The following FLRT2 variants were observed in gnomAD, a reference collection of about 807,000 sequenced individuals.
FLRT2 encodes fibronectin leucine rich transmembrane protein 2.
Under a neutral mutation model 40.0 loss-of-function variants are expected in FLRT2, and 15 were observed. The ratio of observed to expected loss-of-function variants is 0.38; its 90% CI spans 0.25 to 0.58. The LOEUF is 0.58. Ranked by LOEUF, FLRT2 falls within the 20% of genes least tolerant of loss-of-function variation. The probability of loss-of-function intolerance (pLI) is 0.71; values close to 1 mark genes in which losing one functional copy is unlikely to be tolerated. For synonymous variants in FLRT2, 380 were observed against 336.8 expected, an observed-to-expected ratio of 1.13 and a Z score of -1.41; for missense variants, 726 against 840.0, an observed-to-expected ratio of 0.86 and a Z score of 1.68.
At position 85,615,961 on chromosome 14, in the gene FLRT2, C is replaced by A. The variant is rs1044298348; in HGVS notation, c.-376-5178C>A. Among the ~76,000 whole-genome samples the A allele has an allele frequency of 4.6e-5, 7 of 152,124 alleles. No homozygotes were observed. In the East Asian group the frequency reaches 1.2e-3, roughly 25 times the overall value. On this transcript the variant is annotated intron_variant, in intron 1 of 1. Coordinates refer to ENST00000330753, the MANE Select transcript of FLRT2 (RefSeq NM_013231.6). ...TGGAATTAATTAGAAAAAGAAAAAACCTTCTTAGGCAGCACTAGGAGAGAA... is the reference window on the plus strand; with the variant it reads ...TGGAATTAATTAGAAAAAGAAAAAAACTTCTTAGGCAGCACTAGGAGAGAA...
chr14:85,643,758 G>A lies in FLRT2; in HGVS notation c.*20261G>A, dbSNP rs928677277. 1.3e-5 allele frequency: 2 copies of A among 152,148 alleles called. No homozygotes were observed. Among genetic ancestry groups the A allele is most frequent in the Non-Finnish European group, 2.9e-5 (2 of 68,066 alleles). The allele number at this position is 152,148 out of a possible 1,614,324, so 9.4% of individuals were successfully genotyped here. ...GGACTCTCCTCTTTTAGATAGAGAT[G>A]AAAGTGTAGATGCTGCCCACAAAAT... On this transcript the variant is annotated 3_prime_UTR_variant, in exon 2 of 2. Coordinates refer to ENST00000330753, the MANE Select transcript of FLRT2 (RefSeq NM_013231.6).
chr14:85,650,492 T>C lies in FLRT2; in HGVS notation c.*26995T>C, dbSNP rs1156399510. On this transcript the variant is annotated 3_prime_UTR_variant, in exon 2 of 2. Coordinates refer to ENST00000330753, the MANE Select transcript of FLRT2 (RefSeq NM_013231.6). ...CTAAACACACACAGTGTATCTAGAA[T>C]TTGAATTGCTAAAATTGAACATTCA... The C allele has an allele frequency of 6.6e-6, 1 of 152,154 alleles. No homozygotes were observed. Among genetic ancestry groups the C allele is most frequent in the African/African-American group, 2.4e-5 (1 of 41,562 alleles). The allele number at this position is 152,154 out of a possible 1,614,324, so 9.4% of individuals were successfully genotyped here. A position where few individuals can be genotyped will look rare whatever the true frequency, so the allele number is the denominator to read the frequency against.
At chr14:85,619,493 T>C (rs182202202) in intron 1 of FLRT2, among the ~76,000 whole-genome samples, 15 of 152,302 alleles carry the variant, frequency 9.8e-5, no homozygotes, top group Non-Finnish European at 4.4e-5. Flanking sequence ...AAAATGAGTT[T>C]TACCTTTTCT....
chr14:85,596,714 CAG>C (rs1318844795), intron 1 of FLRT2, among the ~76,000 whole-genome samples: 1 of 152,068 alleles, frequency 6.6e-6, no homozygotes, highest in Non-Finnish European at 1.5e-5. Flanking sequence ...TGGGAGAATT[CAG>C]AGTTTCACAG....
Position 85,637,613 on chromosome 14 carries a change from C to T in FLRT2, c.*14116C>T, listed in dbSNP as rs1894041258. On this transcript the variant is annotated 3_prime_UTR_variant, in exon 2 of 2. Coordinates refer to ENST00000330753, the MANE Select transcript of FLRT2 (RefSeq NM_013231.6). ...GCAATGACAGCAAATTTCCCCCAGT[C>T]TGCTCTTCCATGAATATCTCAGACA... 1 of 152,258 alleles carries T rather than the reference C, an allele frequency of 6.6e-6. No homozygotes were observed. The allele number at this position is 152,258 out of a possible 1,614,324, so 9.4% of individuals were successfully genotyped here. A position where few individuals can be genotyped will look rare whatever the true frequency, so the allele number is the denominator to read the frequency against.
intron 1 of FLRT2, among the ~76,000 whole-genome samples, chr14:85,541,939 A>G (rs952620540): frequency 1.3e-5 from 2 of 152,202 alleles, no homozygotes; most frequent in Non-Finnish European, 2.9e-5. Context: ...TTGCCAAAGT[A>G]CAAAGATTTT....
Position 85,621,129 on chromosome 14 carries a change from C to T in FLRT2, c.-376-10C>T. 4.6e-6 allele frequency: 1 copy of T among 216,864 alleles called. No homozygotes were observed. Among genetic ancestry groups the T allele is most frequent in the Non-Finnish European group, 9.2e-6 (1 of 108,702 alleles). 13.4% of individuals were successfully genotyped at this position (216,864 alleles called of 1,614,324 possible). A position where few individuals can be genotyped will look rare whatever the true frequency, so the allele number is the denominator to read the frequency against. On this transcript the variant is annotated splice_polypyrimidine_tract_variant and intron_variant, in intron 1 of 1. Transcript: ENST00000330753. ...TAACTGACCATTTCCTCTTTTCTTT[C>T]CTGCAACAGATTGCAGATTGAGCTT...
intron 1 of FLRT2, among the ~76,000 whole-genome samples, chr14:85,617,870 CT>C (rs1204119403): frequency 6.6e-6 from 1 of 152,154 alleles, no homozygotes; most frequent in Non-Finnish European, 1.5e-5. Flanking sequence ...CTAGATGGGA[CT>C]TTTCTCCTAT....
rs74068513 is a variant in FLRT2, at chr14:85,611,912, G to A, written c.-376-9227G>A. Among the ~76,000 whole-genome samples, 1,356 of 143,940 alleles carry A rather than the reference G, an allele frequency of 9.4e-3. 24 individuals are homozygous for A. Among genetic ancestry groups the A allele is most frequent in the African/African-American group, 0.032 (1,238 of 38,716 alleles). The allele number at this position is 143,940 out of a possible 152,430, so 94.4% of individuals were successfully genotyped here. A position where few individuals can be genotyped will look rare whatever the true frequency, so the allele number is the denominator to read the frequency against. On this transcript the variant is annotated intron_variant, in intron 1 of 1. Transcript: ENST00000330753. ...AGAGAGAGAGAGAGCGCGCGTGCGC[G>A]AAAGCGTGTGTGTGTGTGTGTGTGT...
intron 1 of FLRT2, among the ~76,000 whole-genome samples, chr14:85,538,185 A>G (rs910483737): frequency 2.6e-5 from 4 of 152,168 alleles, no homozygotes; most frequent in Non-Finnish European, 5.9e-5. Flanking sequence ...GTGCAGTGCC[A>G]TGTGCCTTGA....
chr14:85,643,789 C>T lies in FLRT2; in HGVS notation c.*20292C>T, dbSNP rs1319550449. 6.6e-6 allele frequency: 1 copy of T among 151,586 alleles called. No individual in the cohort carries two copies. Among genetic ancestry groups the T allele is most frequent in the Non-Finnish European group, 1.5e-5 (1 of 67,856 alleles). The allele number at this position is 151,586 out of a possible 1,614,324, so 9.4% of individuals were successfully genotyped here. Reference sequence around the variant, plus strand: ...GTAGATGCTGCCCACAAAATGTGCTCCCTGTTTAAGTGGGGTTGGTGGAAT... The same window carrying T: ...GTAGATGCTGCCCACAAAATGTGCTTCCTGTTTAAGTGGGGTTGGTGGAAT... On this transcript the variant is annotated 3_prime_UTR_variant, in exon 2 of 2. Transcript: ENST00000330753.
At position 85,625,749 on chromosome 14, in the gene FLRT2, C is replaced by T. The variant is rs1169387349; in HGVS notation, c.*2252C>T. On this transcript the variant is annotated 3_prime_UTR_variant, in exon 2 of 2. Transcript: ENST00000330753. Reference sequence around the variant, plus strand: ...TAGCTGGATAATTCCCTTCTACTGTCCTCTTCCCCTTGGCTGTGTAGATAA... The same window carrying T: ...TAGCTGGATAATTCCCTTCTACTGTTCTCTTCCCCTTGGCTGTGTAGATAA... 1.2e-5 allele frequency: 2 copies of T among 167,038 alleles called. No homozygotes were observed. The highest frequency in any genetic ancestry group is 6.5e-5 in the Admixed American group (1 of 15,268). 10.3% of individuals were successfully genotyped at this position (167,038 alleles called of 1,614,324 possible).
chr14:85,584,238 G>A (rs1891518902), intron 1 of FLRT2, among the ~76,000 whole-genome samples: 1 of 152,146 alleles, frequency 6.6e-6, no homozygotes. Context: ...TATTTGCACA[G>A]GACTAGAAAA....
chr14:85,582,877 T>C (rs2088507274), intron 1 of FLRT2, among the ~76,000 whole-genome samples: 1 of 151,736 alleles, frequency 6.6e-6, no homozygotes, highest in South Asian at 2.1e-4. Flanking sequence ...TGGAGATATA[T>C]ACATATATAT....
At chr14:85,540,817 G>A (rs1043617754) in intron 1 of FLRT2, among the ~76,000 whole-genome samples, 2 of 151,912 alleles carry the variant, frequency 1.3e-5, no homozygotes, top group African/African-American at 2.4e-5. Flanking sequence ...TGCATAGTTC[G>A]GCAAAATTAA....
chr14:85,541,362 A>G (rs1399603184), intron 1 of FLRT2, among the ~76,000 whole-genome samples: 2 of 152,164 alleles, frequency 1.3e-5, no homozygotes, highest in East Asian at 3.9e-4. Context: ...ACTTGAGGCC[A>G]GCTAGGCTAG....
At chr14:85,611,664 G>C (rs1050076432) in intron 1 of FLRT2, among the ~76,000 whole-genome samples, 1 of 152,200 alleles carries the variant, frequency 6.6e-6, no homozygotes, top group South Asian at 2.1e-4. Context: ...AAGCTTGGGA[G>C]TGTAGCTAAG....
chr14:85,548,912 G>A (rs1268290168), intron 1 of FLRT2, among the ~76,000 whole-genome samples: 2 of 152,188 alleles, frequency 1.3e-5, no homozygotes, highest in African/African-American at 4.8e-5. Context: ...CACCAGCAGA[G>A]CAGCAGAGCA....
rs1209880104 is a variant in FLRT2, at chr14:85,647,848, A to T, written c.*24351A>T. The T allele has an allele frequency of 6.6e-6, 1 of 152,160 alleles. No homozygotes were observed. Among genetic ancestry groups the T allele is most frequent in the Non-Finnish European group, 1.5e-5 (1 of 68,044 alleles). The allele number at this position is 152,160 out of a possible 1,614,324, so 9.4% of individuals were successfully genotyped here. On this transcript the variant is annotated 3_prime_UTR_variant, in exon 2 of 2. Coordinates refer to ENST00000330753, the MANE Select transcript of FLRT2 (RefSeq NM_013231.6). ...CTGCTTGGCAGAGCCCTAATTAGTC[A>T]CAGTGCTAGGTGAGGTCAAAAGTAA...
Sources: gnomAD v4.1 joint callset for allele counts (sites outside exome capture counted in the v4.1 genomes callset) on GRCh38, gnomAD v4.1.1 for gene constraint, MANE v1.5 for transcripts, NCBI Gene and HGNC (gene_info 2026-07-23, HGNC 2026-07-21) for gene names.